The following TLE4 variants were observed in gnomAD, a reference collection of about 807,000 sequenced individuals.
The protein encoded by TLE4 is transducin-like enhancer protein 4.
Under a neutral mutation model 92.8 loss-of-function variants are expected in TLE4, and 8 were observed. That is an observed-to-expected ratio of 0.09 (90% CI 0.05 to 0.16). TLE4 has a LOEUF of 0.16. TLE4 is among the 10% of genes least tolerant of loss of function. The pLI, the probability that TLE4 is intolerant of heterozygous loss-of-function variation, is 1.00. For synonymous variants in TLE4, 371 were observed against 374.1 expected (o/e 0.99, Z 0.10); for missense variants, 675 against 997.6 (o/e 0.68, Z 4.36).
chr9:79,627,716 A>G (rs373186462), intron 6 of TLE4: 472 of 418,150 alleles, frequency 1.1e-3, no homozygotes, highest in Middle Eastern at 8.2e-3. Context: ...TTGCTTTGCA[A>G]TCAGCTTGTG....
At chr9:79,722,190 C>T (rs1290782854) in intron 17 of TLE4, among the ~76,000 whole-genome samples, 1 of 151,982 alleles carries the variant, frequency 6.6e-6, no homozygotes, top group Admixed American at 6.6e-5. Flanking sequence ...AAAAATGATA[C>T]GGTTTTATGA....
intron 8 of TLE4, among the ~76,000 whole-genome samples, chr9:79,677,684 T>G (rs1319151794): frequency 6.6e-6 from 1 of 152,046 alleles, no homozygotes; most frequent in Non-Finnish European, 1.5e-5. Flanking sequence ...TTTTTTTTCT[T>G]TTGTGGAAAC....
At chr9:79,704,982 G>A in intron 9 of TLE4, 80 bp downstream of exon 9, 1 of 1,572,144 alleles carries the variant, frequency 6.4e-7, no homozygotes. Context: ...ACTATTACCA[G>A]CCAACACAGG....
chr9:79,686,115 G>A, intron 8 of TLE4, among the ~76,000 whole-genome samples: 1 of 152,142 alleles, frequency 6.6e-6, no homozygotes, highest in Admixed American at 6.5e-5. Context: ...AAATATACAG[G>A]AGGATGTGTC....
chr9:79,699,715 G>C (rs1565014903), intron 8 of TLE4, among the ~76,000 whole-genome samples: 2 of 152,154 alleles, frequency 1.3e-5, no homozygotes, highest in Admixed American at 1.3e-4. Flanking sequence ...ATCGTCTATG[G>C]GCAGGGAAGT....
At chr9:79,629,579 G>A (rs1214399556) in intron 6 of TLE4, among the ~76,000 whole-genome samples, 2 of 152,122 alleles carry the variant, frequency 1.3e-5, no homozygotes, top group African/African-American at 4.8e-5. Context: ...GCAGCGTTAC[G>A]TGCTATCAAC....
chr9:79,603,977 C>A (rs1167720744), intron 4 of TLE4, among the ~76,000 whole-genome samples: 2 of 152,110 alleles, frequency 1.3e-5, no homozygotes, highest in Non-Finnish European at 2.9e-5. Context: ...TGGATTTTAA[C>A]ATTTCCAGGT....
chr9:79,704,941 G>C (rs1185478294), intron 9 of TLE4, 39 bp downstream of exon 9: 12 of 1,610,518 alleles, frequency 7.5e-6, no homozygotes, highest in Non-Finnish European at 1.0e-5. Flanking sequence ...AGGCCAGCTT[G>C]CCTTTTTATC....
intron 4 of TLE4, among the ~76,000 whole-genome samples, chr9:79,608,585 G>A (rs2047634110): frequency 6.6e-6 from 1 of 151,868 alleles, no homozygotes; most frequent in Non-Finnish European, 1.5e-5. Context: ...AAAAAATTTT[G>A]GCAAGAAACT....
intron 19 of TLE4, among the ~76,000 whole-genome samples, chr9:79,723,867 C>T (rs1588672899): frequency 2.6e-5 from 4 of 152,176 alleles, no homozygotes; most frequent in Non-Finnish European, 4.4e-5. Flanking sequence ...TGGATTATCA[C>T]TTGTTAGATA....
In TLE4 at chr9:79,572,157, A is replaced by C. The variant is rs368308122; in HGVS notation, c.-634A>C. ...CCCCTTCAATTTGGGGTTAAAAAAA[A>C]GACAAGAAAACAGGAAGGAAGAGAA... is the stretch of plus-strand genomic sequence containing the variant. On this transcript the variant is annotated 5_prime_UTR_variant, in exon 1 of 20. Coordinates refer to ENST00000376552, the MANE Select transcript of TLE4 (RefSeq NM_007005.6). The C allele has an allele frequency of 6.6e-6, 1 of 152,278 alleles. No individual in the cohort carries two copies. Among genetic ancestry groups the C allele is most frequent in the South Asian group, 2.1e-4 (1 of 4,822 alleles). The allele number at this position is 152,278 out of a possible 1,614,324, so 9.4% of individuals were successfully genotyped here.
intron 8 of TLE4, among the ~76,000 whole-genome samples, chr9:79,684,018 G>A (rs2065266231): frequency 6.6e-6 from 1 of 152,116 alleles, no homozygotes; most frequent in Admixed American, 6.5e-5. Flanking sequence ...AAAGGAATGA[G>A]GTTGCTTTTT....
chr9:79,682,426 G>A (rs925275382), intron 8 of TLE4, among the ~76,000 whole-genome samples: 2 of 152,124 alleles, frequency 1.3e-5, no homozygotes, highest in Non-Finnish European at 2.9e-5. Context: ...CCTTTTCCAA[G>A]TCCAGCCTTG....
chr9:79,590,883 G>A (rs2042374606), intron 4 of TLE4, among the ~76,000 whole-genome samples: 2 of 152,242 alleles, frequency 1.3e-5, no homozygotes, highest in Admixed American at 6.5e-5. Context: ...TATTATAAAG[G>A]TTAAGAAGAT....
chr9:79,608,326 A>G (rs1025619209), intron 4 of TLE4, among the ~76,000 whole-genome samples: 6 of 152,192 alleles, frequency 3.9e-5, no homozygotes, highest in African/African-American at 1.4e-4. Context: ...CAGAAGTTGT[A>G]CAGTTTCTTT....
intron 8 of TLE4, among the ~76,000 whole-genome samples, chr9:79,661,373 T>C (rs2060510547): frequency 6.6e-6 from 1 of 152,216 alleles, no homozygotes; most frequent in Non-Finnish European, 1.5e-5. Flanking sequence ...TGTTCTGTGG[T>C]GATTTGAAGT....
intron 4 of TLE4, 48 bp downstream of exon 4, chr9:79,576,225 A>G (rs761022334): frequency 7.5e-7 from 1 of 1,332,602 alleles, no homozygotes; most frequent in Admixed American, 2.1e-5. Context: ...ATACTGGGAC[A>G]CTATGAAAAG....
intron 8 of TLE4, among the ~76,000 whole-genome samples, chr9:79,696,418 G>C (rs944063062): frequency 6.6e-6 from 1 of 152,254 alleles, no homozygotes; most frequent in Middle Eastern, 3.4e-3. Flanking sequence ...TAGCCCTTTT[G>C]TGGTGATATG....
chr9:79,639,690 C>T (rs2056745751), intron 6 of TLE4, among the ~76,000 whole-genome samples: 1 of 152,086 alleles, frequency 6.6e-6, no homozygotes, highest in Admixed American at 6.6e-5. Context: ...CATTTTGACA[C>T]AATTGCCTAC....
Sources: gnomAD v4.1 joint callset for allele counts (sites outside exome capture counted in the v4.1 genomes callset) on GRCh38, gnomAD v4.1.1 for gene constraint, MANE v1.5 for transcripts, NCBI Gene and HGNC (gene_info 2026-07-23, HGNC 2026-07-21) for gene names.